Variants in KIF21A observed in about 807,000 individuals in gnomAD.
KIF21A encodes kinesin-like protein KIF21A.
In KIF21A, 114 loss-of-function variants were observed where a neutral mutation model predicts 202.9. The observed-to-expected ratio is 0.56, with a 90% confidence interval of 0.48 to 0.66. KIF21A has a LOEUF of 0.66. KIF21A is among the 30% of genes least tolerant of loss of function. The pLI, the probability that KIF21A is intolerant of heterozygous loss-of-function variation, is 0.00. For synonymous variants in KIF21A, 667 were observed against 670.8 expected (o/e 0.99, Z 0.09); for missense variants, 1,677 against 1,994.9 (o/e 0.84, Z 3.04).
Position 39,318,088 on chromosome 12 carries a change from G to A in KIF21A, c.3893C>T (p.Ser1298Leu). ...AATGACTTACTTATCCTGCTGAACT[G>A]ATGTGTTTCCCTGAGAAACAGTAAG... ...NRLTVSQGNT[S>L]VQQDKSDESD... Residue 1298 changes from serine (S) to leucine (L), a missense_variant, in exon 29 of 38, where the codon TCA (serine) becomes TTA (leucine). Physicochemically the swap from Ser to Leu is moderately radical, Grantham distance 145 (BLOSUM62 -2). Transcript: ENST00000361418. 2 of 1,612,826 alleles carry A rather than the reference G, an allele frequency of 1.2e-6. No homozygotes were observed. The highest frequency in any genetic ancestry group is 1.7e-6 in the Non-Finnish European group (2 of 1,179,054).
chr12:39,311,611 C>G, intron 31 of KIF21A, 58 bp from the exon 32 acceptor site: 1 of 1,594,632 alleles, frequency 6.3e-7, no homozygotes, highest in South Asian at 1.1e-5. Flanking sequence ...GAGACTATAT[C>G]ATGAGACTAG....
chr12:39,332,462 A>T, intron 20 of KIF21A, 54 bp from the exon 21 acceptor site: 18 of 1,569,078 alleles, frequency 1.1e-5, no homozygotes, highest in Non-Finnish European at 1.6e-5. Context: ...ATTTATATAC[A>T]GTACCATCAA....
intron 37 of KIF21A, among the ~76,000 whole-genome samples, chr12:39,301,219 C>T (rs1942925692): frequency 6.6e-6 from 1 of 152,112 alleles, no homozygotes; most frequent in African/African-American, 2.4e-5. Context: ...AAGTCAAAAT[C>T]ATCAAGGAAA....
intron 1 of KIF21A, among the ~76,000 whole-genome samples, chr12:39,429,230 G>T (rs1218110846): frequency 2.6e-5 from 4 of 152,114 alleles, no homozygotes; most frequent in Non-Finnish European, 5.9e-5. Flanking sequence ...GAAAAGGAAT[G>T]AATTTCCATT....
chr12:39,362,322 T>G (rs770778794), intron 7 of KIF21A, among the ~76,000 whole-genome samples: 1 of 152,236 alleles, frequency 6.6e-6, no homozygotes, highest in Non-Finnish European at 1.5e-5. Context: ...ACTAGATTTG[T>G]TGTATAGCAT....
intron 11 of KIF21A, among the ~76,000 whole-genome samples, chr12:39,351,101 C>T (rs1948336716): frequency 6.6e-6 from 1 of 152,050 alleles, no homozygotes; most frequent in African/African-American, 2.4e-5. Flanking sequence ...AATTTAACCA[C>T]TTACACATTA....
intron 1 of KIF21A, among the ~76,000 whole-genome samples, chr12:39,390,225 T>C (rs1951249179): frequency 6.6e-6 from 1 of 152,208 alleles, no homozygotes; most frequent in Admixed American, 6.5e-5. Context: ...AGGTTTTTTC[T>C]CACTTGTGCA....
chr12:39,392,003 G>A (rs1253622382), intron 1 of KIF21A, among the ~76,000 whole-genome samples: 1 of 152,068 alleles, frequency 6.6e-6, no homozygotes, highest in Non-Finnish European at 1.5e-5. Context: ...CTCCCAAAGT[G>A]CTGGGATTAC....
At chr12:39,379,955 TAAC>T (rs1950509740) in intron 1 of KIF21A, among the ~76,000 whole-genome samples, 1 of 152,186 alleles carries the variant, frequency 6.6e-6, no homozygotes, top group Non-Finnish European at 1.5e-5. Flanking sequence ...CAGGAAATGG[TAAC>T]AACACTTTTT....
intron 37 of KIF21A, among the ~76,000 whole-genome samples, chr12:39,295,304 A>C (rs1259247047): frequency 1.3e-5 from 2 of 152,234 alleles, no homozygotes; most frequent in African/African-American, 4.8e-5. Context: ...CAGTCATTAG[A>C]TAATCACATT....
Position 39,351,849 on chromosome 12 carries a change from G to A in KIF21A, c.1601C>T (p.Thr534Ile), listed in dbSNP as rs139129865. ...SPTILSSDKETIEIIDLAKKD... is the reference protein window; with the variant it reads ...SPTILSSDKEIIEIIDLAKKD... ...TTTTGCTAGGTCTATAATTTCAATGGTTTCTTTGTCTGAGGATAGTATGGT... is the reference window on the plus strand; with the variant it reads ...TTTTGCTAGGTCTATAATTTCAATGATTTCTTTGTCTGAGGATAGTATGGT... The change falls in exon 11 of 38, where the codon ACC becomes ATC. Residue 534 changes from threonine to isoleucine, a missense_variant. Physicochemically the swap from Thr to Ile is moderately conservative, Grantham distance 89. Transcript: ENST00000361418. 6 of 1,607,272 alleles carry A rather than the reference G, an allele frequency of 3.7e-6. No individual in the cohort carries two copies. The highest frequency in any genetic ancestry group is 1.3e-5 in the African/African-American group (1 of 74,542).
intron 31 of KIF21A, chr12:39,311,964 A>G: frequency 5.6e-6 from 1 of 180,054 alleles, no homozygotes. Flanking sequence ...TGCTGGAGAA[A>G]GTGTAATATA....
At chr12:39,315,357 G>A (rs972218587) in intron 30 of KIF21A, 117 bp from the exon 31 acceptor site, 19 of 856,974 alleles carry the variant, frequency 2.2e-5, no homozygotes, top group Non-Finnish European at 3.1e-5. Context: ...GAGAAGTTAA[G>A]GACCCCCAGA....
intron 28 of KIF21A, among the ~76,000 whole-genome samples, chr12:39,319,277 A>C (rs1319442337): frequency 6.6e-6 from 1 of 152,212 alleles, no homozygotes; most frequent in Admixed American, 6.5e-5. Flanking sequence ...GTGGCAGGGT[A>C]ACAGTGGTTC....
At chr12:39,340,538 T>A (rs113218274) in intron 15 of KIF21A, among the ~76,000 whole-genome samples, 174 bp from the exon 16 acceptor site, 1 of 152,096 alleles carries the variant, frequency 6.6e-6, no homozygotes, top group Non-Finnish European at 1.5e-5. Context: ...ACCTGTTTAA[T>A]GATTATTGAA....
intron 37 of KIF21A, among the ~76,000 whole-genome samples, chr12:39,298,185 G>A (rs910211817): frequency 2.0e-5 from 3 of 152,146 alleles, no homozygotes; most frequent in Non-Finnish European, 2.9e-5. Flanking sequence ...CTGCCTGGAA[G>A]CATTTTCCAC....
At chr12:39,312,976 T>C (rs953739617) in intron 31 of KIF21A, 5 of 152,074 alleles carry the variant, frequency 3.3e-5, no homozygotes, top group African/African-American at 1.2e-4. Context: ...AGGACAAATA[T>C]AAGGATAAAG....
intron 1 of KIF21A, among the ~76,000 whole-genome samples, chr12:39,402,210 A>G (rs1952220177): frequency 6.6e-6 from 1 of 152,236 alleles, no homozygotes; most frequent in Non-Finnish European, 1.5e-5. Flanking sequence ...ACATAAAAGG[A>G]TATCTTCTAA....
At chr12:39,384,495 T>TC (rs1048344696) in intron 1 of KIF21A, among the ~76,000 whole-genome samples, 7 of 152,120 alleles carry the variant, frequency 4.6e-5, no homozygotes, top group Non-Finnish European at 8.8e-5. Flanking sequence ...TGTCTCCCAC[T>TC]CCCCCATTCT....
Sources: gnomAD v4.1 joint callset for allele counts (sites outside exome capture counted in the v4.1 genomes callset) on GRCh38, gnomAD v4.1.1 for gene constraint, MANE v1.5 for transcripts, NCBI Gene and HGNC (gene_info 2026-07-23, HGNC 2026-07-21) for gene names.